The following HEATR5A variants were observed in gnomAD, a reference collection of about 807,000 sequenced individuals.
HEATR5A encodes the protein HEAT repeat containing 5A, also known as HEAT repeat-containing protein 5A.
A neutral mutation model predicts 218.8 loss-of-function variants in HEATR5A; 178 were observed. That is an observed-to-expected ratio of 0.81 (90% CI 0.72 to 0.92). The LOEUF (loss-of-function observed/expected upper bound fraction) is 0.92. Ranked by LOEUF, HEATR5A falls within the 40% of genes least tolerant of loss-of-function variation. The pLI, the probability that HEATR5A is intolerant of heterozygous loss-of-function variation, is 0.00. For missense variants in HEATR5A, 2,420 were observed against 2,418.9 expected (o/e 1.00, Z -0.01); for synonymous variants, 864 against 871.6 (o/e 0.99, Z 0.15).
chr14:31,417,541 G>A (rs1251697917), intron 1 of HEATR5A, among the ~76,000 whole-genome samples: 2 of 151,600 alleles, frequency 1.3e-5, no homozygotes, highest in East Asian at 1.9e-4. Flanking sequence ...CCCAGATCGC[G>A]CCACTGCACT....
At chr14:31,306,072 G>A (rs565046802) in intron 31 of HEATR5A, among the ~76,000 whole-genome samples, 2 of 152,292 alleles carry the variant, frequency 1.3e-5, no homozygotes, top group South Asian at 2.1e-4. Flanking sequence ...TTCTAGTAGC[G>A]TAAGGGATTT....
At chr14:31,409,587 C>T (rs1368312749) in intron 1 of HEATR5A, among the ~76,000 whole-genome samples, 1 of 152,122 alleles carries the variant, frequency 6.6e-6, no homozygotes, top group Non-Finnish European at 1.5e-5. Context: ...GTAGTCCCAG[C>T]TGTTCGTGAG....
At chr14:31,372,891 TCTCTCTCTCTCCCTCC>T (rs1902090145) in intron 12 of HEATR5A, among the ~76,000 whole-genome samples, 1 of 150,636 alleles carries the variant, frequency 6.6e-6, no homozygotes, top group South Asian at 2.1e-4. Context: ...TCTCTCCCTC[TCTCTCTCTCTCCCTCC>T]CTCCCTCCCT....
At chr14:31,309,891 TG>T (rs1351555106) in intron 28 of HEATR5A, among the ~76,000 whole-genome samples, 7 of 151,888 alleles carry the variant, frequency 4.6e-5, no homozygotes, top group African/African-American at 1.7e-4. Context: ...TTAGTAGAGA[TG>T]GGGTTTCACC....
chr14:31,320,074 A>T (rs1900039860), intron 25 of HEATR5A: 1 of 181,326 alleles, frequency 5.5e-6, no homozygotes, highest in Non-Finnish European at 1.2e-5. Context: ...TAAATGAAAG[A>T]GGTTATATAT....
intron 23 of HEATR5A, 90 bp downstream of exon 23, chr14:31,326,073 C>T: frequency 4.3e-6 from 4 of 934,848 alleles, no homozygotes; most frequent in Non-Finnish European, 6.8e-6. Context: ...GCTAGTTAGA[C>T]AAGACTGATG....
chr14:31,380,899 C>T (rs2029951463), intron 10 of HEATR5A, among the ~76,000 whole-genome samples: 1 of 152,150 alleles, frequency 6.6e-6, no homozygotes, highest in Non-Finnish European at 1.5e-5. Flanking sequence ...AGCAACTATC[C>T]TTTTAAATCC....
chr14:31,340,405 C>A (rs1286997273), intron 21 of HEATR5A: 3 of 1,235,328 alleles, frequency 2.4e-6, no homozygotes, highest in African/African-American at 1.6e-5. Flanking sequence ...AGAAACAGCA[C>A]CGCAAAACTC....
chr14:31,358,730 G>A lies in HEATR5A; in HGVS notation c.2318C>T (p.Ser773Leu), dbSNP rs745893112. 1.2e-6 allele frequency: 2 copies of A among 1,613,822 alleles called. No individual in the cohort carries two copies. Among genetic ancestry groups the A allele is most frequent in the South Asian group, 2.2e-5 (2 of 91,070 alleles). The change falls in exon 16 of 36, where the codon TCA (serine) becomes TTA (leucine). Residue 773 changes from serine (S) to leucine (L), a missense_variant. By Grantham distance (145) the Ser-to-Leu change is moderately radical. Transcript: ENST00000543095. The stretch of plus-strand genomic sequence containing the variant: ...TGCTGGAGGTAAGGGCTTAGGCACT[G>A]AATCTCCCTCTACATCTTTCTCATA... ...SIYEKDVEGD[S>L]VPKPLPPALS...
At chr14:31,350,487 T>C in intron 17 of HEATR5A, 125 bp downstream of exon 17, 1 of 622,386 alleles carries the variant, frequency 1.6e-6, no homozygotes, top group African/African-American at 1.8e-5. Context: ...AAACTTTTCA[T>C]CAAGAGATTA....
chr14:31,334,962 A>G (rs1436058953), intron 22 of HEATR5A, among the ~76,000 whole-genome samples: 4 of 151,118 alleles, frequency 2.6e-5, no homozygotes, highest in African/African-American at 4.9e-5. Flanking sequence ...AAAAAAAAAA[A>G]AAAGAAAAAG....
chr14:31,362,028 G>A (rs1393714325), intron 14 of HEATR5A, among the ~76,000 whole-genome samples: 7 of 151,898 alleles, frequency 4.6e-5, no homozygotes, highest in African/African-American at 1.7e-4. Flanking sequence ...GCAGTGGCAC[G>A]ATCTCGGCTC....
Position 31,318,509 on chromosome 14 carries a change from C to T in HEATR5A, c.3970-217G>A, listed in dbSNP as rs533768439. ...TCTCCCCCTTTATTTTTTTTTGAGA[C>T]GGAGTCTCGCCCTGTCGCCCAGGCA... On this transcript the variant is annotated intron_variant, in intron 25 of 35. Coordinates refer to ENST00000543095, the MANE Select transcript of HEATR5A (RefSeq NM_015473.4). Among the ~76,000 whole-genome samples the T allele has an allele frequency of 1.7e-4, 26 of 151,974 alleles. No individual in the cohort carries two copies. In the South Asian group the frequency reaches 4.8e-3, roughly 28 times the overall value.
At chr14:31,378,662 C>T (rs1457156706) in intron 11 of HEATR5A, among the ~76,000 whole-genome samples, 1 of 151,788 alleles carries the variant, frequency 6.6e-6, no homozygotes, top group Non-Finnish European at 1.5e-5. Context: ...GTGGTGGGCG[C>T]CTGTAGTCCC....
intron 13 of HEATR5A, chr14:31,371,567 G>A (rs1595147600): frequency 3.3e-6 from 1 of 302,654 alleles, no homozygotes. Context: ...AGGTTAAGAG[G>A]CTTAATAGTT....
chr14:31,334,429 T>C (rs1369067502), intron 22 of HEATR5A: 1 of 456,044 alleles, frequency 2.2e-6, no homozygotes, highest in Non-Finnish European at 4.4e-6. Context: ...GCAGATGGAA[T>C]CTACTCCTGG....
At chr14:31,406,408 A>C (rs141473286) in intron 1 of HEATR5A, among the ~76,000 whole-genome samples, 1 of 152,352 alleles carries the variant, frequency 6.6e-6, no homozygotes, top group African/African-American at 2.4e-5. Context: ...TTTACTGCTT[A>C]CTTATTATAG....
At chr14:31,320,708 T>C (rs948094962) in intron 25 of HEATR5A, 1 of 406,888 alleles carries the variant, frequency 2.5e-6, no homozygotes, top group Admixed American at 3.7e-5. Flanking sequence ...ACCTTTAAAG[T>C]TACAAAACAC....
At chr14:31,399,342 C>T (rs1363228836) in intron 3 of HEATR5A, among the ~76,000 whole-genome samples, 1 of 152,086 alleles carries the variant, frequency 6.6e-6, no homozygotes, top group Admixed American at 6.5e-5. Context: ...AGATTACACA[C>T]CCTCAAGTTT....
Sources: allele counts gnomAD v4.1 joint callset (sites outside exome capture counted in the v4.1 genomes callset), GRCh38; gene constraint gnomAD v4.1.1; transcripts MANE v1.5; gene names NCBI Gene and HGNC (gene_info 2026-07-23, HGNC 2026-07-21).